Variants in SERINC2 observed in about 807,000 individuals in gnomAD.
SERINC2 encodes the protein tumor differentially expressed protein 2.
Under a neutral mutation model 54.2 loss-of-function variants are expected in SERINC2, and 56 were observed. The ratio of observed to expected loss-of-function variants is 1.03; its 90% CI spans 0.83 to 1.29. The LOEUF is 1.29. SERINC2 is among the 50% of genes most tolerant of loss of function. The pLI is 0.00. For synonymous variants in SERINC2, 272 were observed against 253.1 expected (o/e 1.07, Z -0.71); for missense variants, 614 against 607.4 (o/e 1.01, Z -0.12).
chr1:31,410,366 A>C (rs1640627678), upstream of SERINC2: 1 of 1,548,814 alleles, frequency 6.5e-7, no homozygotes, highest in Non-Finnish European at 8.7e-7. Flanking sequence ...GGGTAAAAAA[A>C]CTTATCTTTA....
chr1:31,426,389 C>A (rs114742087), intron 5 of SERINC2, among the ~76,000 whole-genome samples: 2,240 of 152,262 alleles, frequency 0.015, 64 homozygotes, highest in African/African-American at 0.051. Flanking sequence ...GCCTGTACCT[C>A]GTTCAGTTTT....
intron 1 of SERINC2, chr1:31,414,883 G>A: frequency 6.1e-6 from 3 of 489,014 alleles, no homozygotes; most frequent in Non-Finnish European, 5.3e-6. Context: ...ACAGTAACAG[G>A]GCCTTTCTCA....
intron 1 of SERINC2, chr1:31,415,783 T>C: frequency 5.8e-6 from 5 of 865,308 alleles, no homozygotes; most frequent in Non-Finnish European, 6.9e-6. Context: ...TCTGGGCAAC[T>C]TCAGGAGGGA....
At chr1:31,415,734 G>A in intron 1 of SERINC2, 1 of 279,430 alleles carries the variant, frequency 3.6e-6, no homozygotes, top group Non-Finnish European at 5.4e-6. Context: ...CTGTTGCAGT[G>A]AAGAGTTGCT....
upstream of SERINC2, among the ~76,000 whole-genome samples, chr1:31,412,013 A>G (rs1409882097): frequency 2.7e-5 from 4 of 150,796 alleles, no homozygotes; most frequent in African/African-American, 9.8e-5. Flanking sequence ...AAAAAAAAAA[A>G]AAAAAAAAAA....
Position 31,429,080 on chromosome 1 carries a change from C to T in SERINC2, c.871+12C>T. 1.9e-6 allele frequency: 3 copies of T among 1,608,222 alleles called. No homozygotes were observed. Among genetic ancestry groups the T allele is most frequent in the Non-Finnish European group, 2.6e-6 (3 of 1,174,704 alleles). On this transcript the variant is annotated intron_variant, in intron 7 of 9. Coordinates refer to ENST00000373709, the MANE Select transcript of SERINC2 (RefSeq NM_178865.5). Reference sequence around the variant, plus strand: ...ATCCAGTATCCCTGGTAAGTATGGGCCCAGGCTCAAGGAGGCCTGGCCTCG... The same window carrying T: ...ATCCAGTATCCCTGGTAAGTATGGGTCCAGGCTCAAGGAGGCCTGGCCTCG...
Position 31,432,065 on chromosome 1 carries a change from ACAGGGTGGACAGGGTGGT to A in SERINC2, c.1014-901_1014-884del, listed in dbSNP as rs1557500905. ...AGGGTGGACAGGGTGGACAGGGTGG[ACAGGGTGGACAGGGTGGT>A]TAGGGTGGACAGGGTGGACAGGGTG... On this transcript the variant is annotated intron_variant, in intron 8 of 9. Transcript: ENST00000373709. Among the ~76,000 whole-genome samples the A allele has an allele frequency of 2.0e-3, 249 of 125,940 alleles. 5 individuals carry two copies. Among genetic ancestry groups the A allele is most frequent in the East Asian group, 2.9e-3 (11 of 3,806 alleles). 82.6% of individuals were successfully genotyped at this position (125,940 alleles called of 152,430 possible).
chr1:31,423,545 C>A, intron 1 of SERINC2, 148 bp from the exon 2 acceptor site: 1 of 788,290 alleles, frequency 1.3e-6, no homozygotes, highest in Non-Finnish European at 2.0e-6. Context: ...GCCTCCCTCT[C>A]GGACCTGAAA....
upstream of SERINC2, among the ~76,000 whole-genome samples, chr1:31,411,258 G>T (rs1640642947): frequency 6.6e-6 from 1 of 152,222 alleles, no homozygotes; most frequent in Admixed American, 6.5e-5. Context: ...AAGGGAAGCA[G>T]TAGGACATCA....
intron 2 of SERINC2, 93 bp from the exon 3 acceptor site, chr1:31,424,590 C>T (rs528539475): frequency 1.0e-5 from 11 of 1,103,850 alleles, no homozygotes; most frequent in South Asian, 8.3e-5. Context: ...CTTTCCTGGC[C>T]GGCCTTGGGA....
Position 31,425,770 on chromosome 1 carries a change from A to T in SERINC2, c.473-6A>T, listed in dbSNP as rs1553133491. The T allele has an allele frequency of 6.2e-7, 1 of 1,612,026 alleles. No individual in the cohort carries two copies. On this transcript the variant is annotated splice_polypyrimidine_tract_variant and splice_region_variant and intron_variant, in intron 4 of 9. Transcript: ENST00000373709. ...CTCCTCGCCTCACTCCCCTCTCCCC[A>T]CCCAGTCTGGTTCTACTTCGGCGTC... is the stretch of plus-strand genomic sequence containing the variant.
At chr1:31,426,566 G>A in intron 5 of SERINC2, 88 bp from the exon 6 acceptor site, 1 of 1,085,204 alleles carries the variant, frequency 9.2e-7, no homozygotes, top group Non-Finnish European at 1.3e-6. Flanking sequence ...GAGGGGGAGA[G>A]CTGCCAACAG....
intron 5 of SERINC2, 32 bp from the exon 6 acceptor site, chr1:31,426,622 C>A: frequency 6.4e-7 from 1 of 1,569,436 alleles, no homozygotes; most frequent in Non-Finnish European, 8.7e-7. Context: ...GCCCCACCCA[C>A]TGCCTACCCT....
chr1:31,414,088 G>T, intron 1 of SERINC2: 29 of 1,471,394 alleles, frequency 2.0e-5, no homozygotes, highest in Non-Finnish European at 2.6e-5. Flanking sequence ...CGGACCACCG[G>T]GCGGAACTCT....
chr1:31,434,414 A>G lies in SERINC2; in HGVS notation c.*215A>G. 1 of 568,048 alleles carries G rather than the reference A, an allele frequency of 1.8e-6. No individual in the cohort carries two copies. The highest frequency in any genetic ancestry group is 2.9e-5 in the East Asian group (1 of 34,328). 35.2% of individuals were successfully genotyped at this position (568,048 alleles called of 1,614,324 possible). A position where few individuals can be genotyped will look rare whatever the true frequency, so the allele number is the denominator to read the frequency against. ...CTGCAGAGCCCCATCCCCCCGCCAC[A>G]CCCACACGGTGGAGCTGCCTCTTCC... is the stretch of plus-strand genomic sequence containing the variant. On this transcript the variant is annotated 3_prime_UTR_variant, in exon 10 of 10. Coordinates refer to ENST00000373709, the MANE Select transcript of SERINC2 (RefSeq NM_178865.5).
chr1:31,425,001 C>A, intron 3 of SERINC2, 128 bp downstream of exon 3: 1 of 716,820 alleles, frequency 1.4e-6, no homozygotes, highest in Non-Finnish European at 2.3e-6. Context: ...GCATGGAGAA[C>A]AGCTCTGAGT....
rs575123009 is a variant in SERINC2, at chr1:31,428,981, G to A, written c.784G>A (p.Ala262Thr). The A allele has an allele frequency of 9.3e-6, 15 of 1,613,632 alleles. No individual in the cohort carries two copies. In the Admixed American group the frequency reaches 1.2e-4, roughly 13 times the overall value. Residue 262 changes from alanine (A) to threonine (T), a missense_variant, in exon 7 of 10, where the codon GCC (alanine) becomes ACC (threonine). Transcript: ENST00000373709. ...TTACCAGGGGTCCTCTTGCCAGGAC[G>A]CCCAGCCCAACTCGGGTCTGCTGCA... ...IAAVLPKVQDAQPNSGLLQAS... is the reference protein window; with the variant it reads ...IAAVLPKVQDTQPNSGLLQAS...
intron 1 of SERINC2, among the ~76,000 whole-genome samples, chr1:31,415,548 A>G (rs1399422631): frequency 6.6e-6 from 1 of 152,190 alleles, no homozygotes; most frequent in Non-Finnish European, 1.5e-5. Context: ...CAGTATGTGT[A>G]TGTGTGTGTA....
rs781838406 is a variant in SERINC2, at chr1:31,434,179, C to T, written c.1348C>T (p.Arg450Cys). The change falls in exon 10 of 10, where the codon CGC becomes TGC. Residue 450 changes from arginine (R) to cysteine (C), a missense_variant. Arg to Cys is a radical substitution (Grantham distance 180). Transcript: ENST00000373709. ...GACCCTGGTAGCCCCACTCCTCCTG[C>T]GCAACCGCGACTTCAGCTGAGGCAG... ...LWTLVAPLLL[R>C]NRDFS The T allele has an allele frequency of 1.5e-5, 25 of 1,613,338 alleles. 1 individual carries two copies. The highest frequency in any genetic ancestry group is 3.3e-4 in the Middle Eastern group (2 of 6,082).
Sources: gnomAD v4.1 joint callset for allele counts (sites outside exome capture counted in the v4.1 genomes callset) on GRCh38, gnomAD v4.1.1 for gene constraint, MANE v1.5 for transcripts, NCBI Gene and HGNC (gene_info 2026-07-23, HGNC 2026-07-21) for gene names.